Variants in HIPK2 observed in about 807,000 individuals in gnomAD.
HIPK2 encodes homeodomain interacting protein kinase 2, also known as homeodomain-interacting protein kinase 2.
Under a neutral mutation model 113.7 loss-of-function variants are expected in HIPK2, and 27 were observed. The observed-to-expected ratio is 0.24, with a 90% confidence interval of 0.17 to 0.33. The LOEUF is 0.33. Ranked by LOEUF, HIPK2 falls within the 10% of genes least tolerant of loss-of-function variation. The pLI is 1.00. For synonymous variants in HIPK2, 631 were observed against 642.2 expected (o/e 0.98, Z 0.26); for missense variants, 1,257 against 1,588.0 (o/e 0.79, Z 3.54).
chr7:139,736,752 G>A (rs11770283), intron 1 of HIPK2, among the ~76,000 whole-genome samples: 1 of 152,020 alleles, frequency 6.6e-6, no homozygotes, highest in Admixed American at 6.5e-5. Flanking sequence ...AACCACAAAG[G>A]CCAATCAAAG....
rs1008327945 is a variant in HIPK2, at chr7:139,774,971, C to T, written c.19+2634G>A. On this transcript the variant is annotated intron_variant, in intron 1 of 14. Transcript: ENST00000406875. ...CATTAATTGGTATTATCAAATACCC[C>T]TTGTTTCAAAAACAGCATTTCTGTC... Among the ~76,000 whole-genome samples, 3 of 152,216 alleles carry T rather than the reference C, an allele frequency of 2.0e-5. No homozygotes were observed. In the East Asian group the frequency reaches 5.8e-4, roughly 29 times the overall value.
intron 1 of HIPK2, among the ~76,000 whole-genome samples, chr7:139,766,410 C>T (rs1459124019): frequency 6.6e-6 from 1 of 152,232 alleles, no homozygotes; most frequent in Non-Finnish European, 1.5e-5. Flanking sequence ...CCCTCTACCA[C>T]ATTCCTACAT....
In HIPK2 at chr7:139,683,837, A is replaced by G. The variant is rs1167190488; in HGVS notation, c.1103+32095T>C. Among the ~76,000 whole-genome samples the G allele has an allele frequency of 2.6e-5, 4 of 152,172 alleles. No homozygotes were observed. In the East Asian group the frequency reaches 7.7e-4, roughly 29 times the overall value. On this transcript the variant is annotated intron_variant, in intron 2 of 14. Transcript: ENST00000406875. This position sits in a 1 kb window ranked among gnomAD's most constrained non-coding sequence, Gnocchi z 4.2. ...TCTCCTGTGGTTTTGAAGGGCTACA[A>G]ATACTTTAGAAAATAGTTTTAAACA...
chr7:139,691,242 A>G (rs760675698), intron 2 of HIPK2, among the ~76,000 whole-genome samples: 14 of 152,186 alleles, frequency 9.2e-5, no homozygotes, highest in Non-Finnish European at 1.8e-4. Context: ...ATAGTTCCAT[A>G]GTTTCGATTG....
intron 2 of HIPK2, among the ~76,000 whole-genome samples, chr7:139,645,472 T>C (rs1801174878): frequency 6.6e-6 from 1 of 152,084 alleles, no homozygotes; most frequent in Admixed American, 6.6e-5. Context: ...ATAAAACAGG[T>C]ATCGTCTGAG....
chr7:139,594,314 G>A (rs1799124636), intron 12 of HIPK2, among the ~76,000 whole-genome samples: 1 of 152,206 alleles, frequency 6.6e-6, no homozygotes, highest in Non-Finnish European at 1.5e-5. Context: ...CAAACCTCAT[G>A]AGGACACAAA....
intron 11 of HIPK2, among the ~76,000 whole-genome samples, chr7:139,599,729 C>G (rs1799351590): frequency 6.6e-6 from 1 of 152,110 alleles, no homozygotes; most frequent in African/African-American, 2.4e-5. Context: ...TATTTTAAAA[C>G]AATTATTATG....
At position 139,631,055 on chromosome 7, in the gene HIPK2, C is replaced by CATGAGGGCA; in HGVS notation, c.1347+109_1347+110insTGCCCTCAT. 1 of 1,392,758 alleles carries CATGAGGGCA rather than the reference C, an allele frequency of 7.2e-7. No individual in the cohort carries two copies. The highest frequency in any genetic ancestry group is 9.6e-7 in the Non-Finnish European group (1 of 1,039,066). The allele number at this position is 1,392,758 out of a possible 1,614,324, so 86.3% of individuals were successfully genotyped here. On this transcript the variant is annotated intron_variant, in intron 4 of 14. Coordinates refer to ENST00000406875, the MANE Select transcript of HIPK2 (RefSeq NM_022740.5). This position sits in a 1 kb window ranked among gnomAD's most constrained non-coding sequence, Gnocchi z 4.9. ...ATACCATGTATTAACAACAGCACCC[C>CATGAGGGCA]CAGTGCCCTCATTTTGCTGACTGAA...
rs574147112 is a variant in HIPK2 at position 139,609,905 on chromosome 7, T to C, written c.2112+3297A>G. Among the ~76,000 whole-genome samples, 76 of 152,360 alleles carry C rather than the reference T, an allele frequency of 5.0e-4. 1 individual carries two copies. Among genetic ancestry groups the C allele is most frequent in the African/African-American group, 1.5e-3 (63 of 41,586 alleles). ...CTTTTAATGGCTACATGGTGTTCCA[T>C]TTTACGTGTGCATCAACTTATTTAA... On this transcript the variant is annotated intron_variant, in intron 9 of 14. Transcript: ENST00000406875.
intron 1 of HIPK2, among the ~76,000 whole-genome samples, chr7:139,722,654 T>C (rs1795447888): frequency 6.6e-6 from 1 of 151,940 alleles, no homozygotes. Flanking sequence ...CCAGGACAGA[T>C]GTTTTATGGA....
Position 139,572,755 on chromosome 7 carries a change from CTG to C in HIPK2, c.*170_*171del. The C allele has an allele frequency of 2.1e-6, 1 of 476,700 alleles. No individual in the cohort carries two copies. The highest frequency in any genetic ancestry group is 2.3e-5 in the African/African-American group (1 of 42,644). 29.5% of individuals were successfully genotyped at this position (476,700 alleles called of 1,614,324 possible). On this transcript the variant is annotated 3_prime_UTR_variant, in exon 15 of 15. Transcript: ENST00000406875. The stretch of plus-strand genomic sequence containing the variant: ...TTCACTGGTGTCCCGACCCGTCCCC[CTG>C]CCCTCTGCCCCCCCCCCCCCCCCCG...
At chr7:139,719,739 A>G (rs968045265) in intron 1 of HIPK2, among the ~76,000 whole-genome samples, 3 of 152,218 alleles carry the variant, frequency 2.0e-5, no homozygotes, top group Non-Finnish European at 4.4e-5. Context: ...GAAGGTGCTA[A>G]GCCTTATTAA....
chr7:139,747,148 G>A (rs1796203506), intron 1 of HIPK2, among the ~76,000 whole-genome samples: 1 of 152,052 alleles, frequency 6.6e-6, no homozygotes, highest in Non-Finnish European at 1.5e-5. Flanking sequence ...ATTCTGAGAT[G>A]TCCCATGTGA....
chr7:139,574,064 G>A (rs1798405322), intron 14 of HIPK2, among the ~76,000 whole-genome samples: 1 of 152,130 alleles, frequency 6.6e-6, no homozygotes, highest in Non-Finnish European at 1.5e-5. Context: ...GGCCTAGAAT[G>A]ATCCCCCCGC....
At position 139,568,024 on chromosome 7, in the gene HIPK2, C is replaced by T. The variant is rs1798145903; in HGVS notation, c.*4903G>A. The T allele has an allele frequency of 6.6e-6, 1 of 152,390 alleles. No individual in the cohort carries two copies. Among genetic ancestry groups the T allele is most frequent in the Non-Finnish European group, 1.5e-5 (1 of 68,166 alleles). The allele number at this position is 152,390 out of a possible 1,614,324, so 9.4% of individuals were successfully genotyped here. On this transcript the variant is annotated 3_prime_UTR_variant, in exon 15 of 15. Transcript: ENST00000406875. ...AGTTTCCAAGAAAGTTTGTTCCACTCACTCACACATGCTCACACGGCCTAA... is the reference window on the plus strand; with the variant it reads ...AGTTTCCAAGAAAGTTTGTTCCACTTACTCACACATGCTCACACGGCCTAA...
chr7:139,722,603 T>G (rs1795446211), intron 1 of HIPK2, among the ~76,000 whole-genome samples: 1 of 152,122 alleles, frequency 6.6e-6, no homozygotes, highest in African/African-American at 2.4e-5. Context: ...CTTATGAGTC[T>G]CCAGGTTTTA....
At chr7:139,673,509 C>G (rs1802378727) in intron 2 of HIPK2, among the ~76,000 whole-genome samples, 1 of 152,076 alleles carries the variant, frequency 6.6e-6, no homozygotes, top group Non-Finnish European at 1.5e-5. Flanking sequence ...TTGGGGAAGC[C>G]CCTGGAGGCT....
At chr7:139,654,346 C>CA (rs138230689) in intron 2 of HIPK2, among the ~76,000 whole-genome samples, 178 of 151,014 alleles carry the variant, frequency 1.2e-3, no homozygotes, top group African/African-American at 3.9e-3. Context: ...ACTTTGTCTA[C>CA]AAAAAAAAAT....
intron 9 of HIPK2, among the ~76,000 whole-genome samples, chr7:139,608,362 A>G (rs1248483733): frequency 2.9e-5 from 4 of 137,426 alleles, no homozygotes; most frequent in African/African-American, 1.2e-4. Context: ...ATATATGTGT[A>G]TATATATACA....
Sources: allele counts gnomAD v4.1 joint callset (sites outside exome capture counted in the v4.1 genomes callset), GRCh38; gene constraint gnomAD v4.1.1; non-coding constraint Gnocchi (gnomAD v3.1); transcripts MANE v1.5; gene names NCBI Gene and HGNC (gene_info 2026-07-23, HGNC 2026-07-21).